FNDC3A: variants seen among roughly 807,000 people sequenced by gnomAD.
FNDC3A encodes the protein fibronectin type III domain containing 3A.
In FNDC3A, 32 loss-of-function variants were observed where a neutral mutation model predicts 148.9. The observed-to-expected ratio is 0.21, with a 90% CI of 0.16 to 0.29. FNDC3A has a LOEUF of 0.29. Ranked by LOEUF, FNDC3A falls within the 10% of genes least tolerant of loss-of-function variation. FNDC3A has a pLI of 1.00. For missense variants in FNDC3A, 1,191 were observed against 1,452.8 expected (o/e 0.82, Z 2.93); for synonymous variants, 472 against 473.6 (o/e 1.00, Z 0.04).
chr13:49,064,420 AAC>A (rs1022245656), intron 2 of FNDC3A, among the ~76,000 whole-genome samples: 1 of 135,702 alleles, frequency 7.4e-6, no homozygotes, highest in Non-Finnish European at 1.6e-5. Flanking sequence ...CCAAAAAAAA[AAC>A]AACAAGGGGT....
At chr13:49,122,714 A>G (rs966058179) in intron 4 of FNDC3A, among the ~76,000 whole-genome samples, 6 of 152,324 alleles carry the variant, frequency 3.9e-5, no homozygotes, top group African/African-American at 1.4e-4. Flanking sequence ...ATAGGCAAAC[A>G]GAGAGCCAAA....
At position 49,167,349 on chromosome 13, in the gene FNDC3A, G is replaced by T. The variant is rs548216807; in HGVS notation, c.1037+46G>T. ...GCCTTTATAAGATACAGCATAAGGG[G>T]TTTTTTTTTTAAATAATTATTTTCT... On this transcript the variant is annotated intron_variant, in intron 9 of 25. Transcript: ENST00000492622. 258 of 962,520 alleles carry T rather than the reference G, an allele frequency of 2.7e-4. 1 individual carries two copies. Among genetic ancestry groups the T allele is most frequent in the African/African-American group, 1.3e-3 (75 of 58,028 alleles). 59.6% of individuals were successfully genotyped at this position (962,520 alleles called of 1,614,324 possible).
chr13:49,083,747 A>G (rs1593566805), intron 3 of FNDC3A, among the ~76,000 whole-genome samples: 1 of 152,338 alleles, frequency 6.6e-6, no homozygotes, highest in East Asian at 1.9e-4. Context: ...TGACACGGGG[A>G]AGAACAGCTA....
At chr13:49,205,259 G>T (rs979234894) in intron 25 of FNDC3A, among the ~76,000 whole-genome samples, 1 of 152,006 alleles carries the variant, frequency 6.6e-6, no homozygotes, top group African/African-American at 2.4e-5. Context: ...ACCTAATACT[G>T]CCAGGCTCAT....
chr13:49,077,474 G>A (rs1337512874), intron 3 of FNDC3A, among the ~76,000 whole-genome samples: 3 of 152,180 alleles, frequency 2.0e-5, no homozygotes, highest in Non-Finnish European at 2.9e-5. Context: ...AGAAGAAATA[G>A]ACCTAACTCT....
rs1396402533 is a variant in FNDC3A, at chr13:49,208,121, C to A, written c.*726C>A. The A allele has an allele frequency of 6.6e-6, 1 of 152,112 alleles. No individual in the cohort carries two copies. The highest frequency in any genetic ancestry group is 1.5e-5 in the Non-Finnish European group (1 of 68,008). The allele number at this position is 152,112 out of a possible 1,614,324, so 9.4% of individuals were successfully genotyped here. ...TGAGAACATGGAAAAGAATTGAGTG[C>A]TTTTAAATACTTTTTAGAAAGTAAT... On this transcript the variant is annotated 3_prime_UTR_variant, in exon 26 of 26. Transcript: ENST00000492622.
At chr13:48,985,462 G>A (rs1483889310) in intron 1 of FNDC3A, among the ~76,000 whole-genome samples, 1 of 152,122 alleles carries the variant, frequency 6.6e-6, no homozygotes, top group Non-Finnish European at 1.5e-5. Flanking sequence ...CCATGCAGAG[G>A]AGAAAATGTA....
chr13:49,061,262 A>G (rs1876669601), intron 2 of FNDC3A, among the ~76,000 whole-genome samples: 1 of 150,524 alleles, frequency 6.6e-6, no homozygotes, highest in South Asian at 2.1e-4. Flanking sequence ...GGCTTGCACC[A>G]GCATGCTTGG....
chr13:49,107,029 G>T (rs1880239738), intron 3 of FNDC3A, among the ~76,000 whole-genome samples: 1 of 152,126 alleles, frequency 6.6e-6, no homozygotes, highest in Non-Finnish European at 1.5e-5. Flanking sequence ...GACATGAGTG[G>T]CACAAAGTGA....
At chr13:49,030,287 GAC>G (rs1016074741) in intron 2 of FNDC3A, among the ~76,000 whole-genome samples, 1 of 152,108 alleles carries the variant, frequency 6.6e-6, no homozygotes, top group African/African-American at 2.4e-5. Flanking sequence ...CATCTCAGTA[GAC>G]TCAAAAGAAG....
intron 4 of FNDC3A, among the ~76,000 whole-genome samples, 179 bp downstream of exon 4, chr13:49,114,910 T>C (rs1212980480): frequency 6.6e-6 from 1 of 152,194 alleles, no homozygotes; most frequent in African/African-American, 2.4e-5. Flanking sequence ...AAAATTTTTA[T>C]TGGCAGCACT....
At chr13:49,164,873 A>G (rs935410690) in intron 8 of FNDC3A, among the ~76,000 whole-genome samples, 5 of 152,118 alleles carry the variant, frequency 3.3e-5, no homozygotes, top group Non-Finnish European at 7.4e-5. Context: ...CCCGAAGTTT[A>G]TCTTTGTCTC....
intron 4 of FNDC3A, among the ~76,000 whole-genome samples, chr13:49,125,853 A>C (rs1394544975): frequency 6.6e-6 from 1 of 152,154 alleles, no homozygotes; most frequent in Non-Finnish European, 1.5e-5. Context: ...CTGTTCAATA[A>C]AGGAAGAAAA....
At chr13:49,018,879 C>T (rs7984693) in intron 2 of FNDC3A, among the ~76,000 whole-genome samples, 3,576 of 152,320 alleles carry the variant, frequency 0.023, 45 homozygotes, top group Middle Eastern at 0.051. Context: ...TGTCAGTCTG[C>T]CCCTGCTGGG....
chr13:49,035,948 T>C (rs1032888942), intron 2 of FNDC3A, among the ~76,000 whole-genome samples: 1 of 152,146 alleles, frequency 6.6e-6, no homozygotes, highest in Admixed American at 6.5e-5. Flanking sequence ...ATTTCTATTT[T>C]GACTTCAGCT....
chr13:49,117,738 C>G (rs186318148), intron 4 of FNDC3A, among the ~76,000 whole-genome samples: 1 of 152,214 alleles, frequency 6.6e-6, no homozygotes, highest in East Asian at 1.9e-4. Flanking sequence ...AAAGTACACC[C>G]GAGGGTGTTG....
chr13:49,043,399 T>G (rs1385792269), intron 2 of FNDC3A, among the ~76,000 whole-genome samples: 1 of 152,236 alleles, frequency 6.6e-6, no homozygotes, highest in African/African-American at 2.4e-5. Context: ...TTCTTAAATT[T>G]TTTTGCTCCA....
chr13:48,978,440 T>C (rs1951640530), intron 1 of FNDC3A, among the ~76,000 whole-genome samples: 1 of 152,200 alleles, frequency 6.6e-6, no homozygotes, highest in Admixed American at 6.5e-5. Context: ...AAGATGTTCA[T>C]GACATCCAAG....
At chr13:49,066,623 G>C (rs1027392028) in intron 2 of FNDC3A, among the ~76,000 whole-genome samples, 1 of 151,836 alleles carries the variant, frequency 6.6e-6, no homozygotes, top group African/African-American at 2.4e-5. Context: ...TAGCTATTAA[G>C]TGGTGAAGCA....
Sources: allele counts gnomAD v4.1 joint callset (sites outside exome capture counted in the v4.1 genomes callset), GRCh38; gene constraint gnomAD v4.1.1; transcripts MANE v1.5; gene names NCBI Gene and HGNC (gene_info 2026-07-23, HGNC 2026-07-21).